CFAP61: variants seen among roughly 807,000 people sequenced by gnomAD.
CFAP61 encodes cilia and flagella associated protein 61.
A neutral mutation model predicts 135.6 loss-of-function variants in CFAP61; 107 were observed. The ratio of observed to expected loss-of-function variants is 0.79; its 90% CI spans 0.67 to 0.93. CFAP61 has a LOEUF of 0.93. Among genes scored for constraint, CFAP61 ranks in the 40% least tolerant of loss-of-function variants. The pLI is 0.00. For synonymous variants in CFAP61, 575 were observed against 578.5 expected, an observed-to-expected ratio of 0.99 and a Z score of 0.09; for missense variants, 1,507 against 1,556.2, an observed-to-expected ratio of 0.97 and a Z score of 0.53.
chr20:20,122,881 G>T (rs2049772807), intron 8 of CFAP61, among the ~76,000 whole-genome samples: 1 of 151,660 alleles, frequency 6.6e-6, no homozygotes, highest in Admixed American at 6.6e-5. Flanking sequence ...ATTCCCACCA[G>T]CAGTGTAGAA....
At chr20:20,153,056 A>G (rs1449053708) in intron 9 of CFAP61, among the ~76,000 whole-genome samples, 2 of 152,218 alleles carry the variant, frequency 1.3e-5, no homozygotes, top group Non-Finnish European at 2.9e-5. Flanking sequence ...ATTGGAAATT[A>G]ACTCCAAAAG....
chr20:20,254,394 G>A (rs1392653861), intron 20 of CFAP61, among the ~76,000 whole-genome samples: 1 of 151,680 alleles, frequency 6.6e-6, no homozygotes, highest in African/African-American at 2.4e-5. Flanking sequence ...CTGCTGCCAC[G>A]ACTGCGTACT....
At chr20:20,134,758 T>C (rs998979044) in intron 8 of CFAP61, among the ~76,000 whole-genome samples, 2 of 151,940 alleles carry the variant, frequency 1.3e-5, no homozygotes, top group Admixed American at 1.3e-4. Flanking sequence ...TTTTGTGAGG[T>C]GAGATTAATA....
At chr20:20,073,115 G>A (rs1175452764) in intron 3 of CFAP61, among the ~76,000 whole-genome samples, 1 of 152,172 alleles carries the variant, frequency 6.6e-6, no homozygotes, top group African/African-American at 2.4e-5. Flanking sequence ...TATTTATGAT[G>A]GAAGAGAGAA....
At chr20:20,246,634 A>C (rs2050479108) in intron 19 of CFAP61, among the ~76,000 whole-genome samples, 1 of 152,264 alleles carries the variant, frequency 6.6e-6, no homozygotes, top group African/African-American at 2.4e-5. Context: ...CTTCCATGCC[A>C]GTCTGGGTGA....
rs1209691358 is a variant in CFAP61, at chr20:20,360,374, C to G, written c.3678C>G (p.Tyr1226Ter). 2.5e-6 allele frequency: 4 copies of G among 1,613,800 alleles called. No individual in the cohort carries two copies. Among genetic ancestry groups the G allele is most frequent in the Non-Finnish European group, 3.4e-6 (4 of 1,180,036 alleles). The change falls in exon 27 of 27, where the codon TAC becomes TAG. Residue 1226 changes from tyrosine to a stop codon, truncating the protein, a stop_gained. Coordinates refer to ENST00000245957, the MANE Select transcript of CFAP61 (RefSeq NM_015585.4). LOFTEE classifies it high-confidence loss of function. ...STLDYLHYNRYHLPMYAWPGI... is the reference protein window; with the variant it reads ...STLDYLHYNR ...TTGACTACCTGCACTATAACCGCTA[C>G]CACCTGCCCATGTACGCGTGGCCAG...
chr20:20,302,205 G>T (rs2056150689), intron 25 of CFAP61, among the ~76,000 whole-genome samples: 1 of 152,044 alleles, frequency 6.6e-6, no homozygotes, highest in Non-Finnish European at 1.5e-5. Context: ...ATTTTAGTAT[G>T]GTTCTGTATT....
At chr20:20,098,294 C>T (rs941815490) in intron 7 of CFAP61, among the ~76,000 whole-genome samples, 1 of 152,114 alleles carries the variant, frequency 6.6e-6, no homozygotes, top group Admixed American at 6.6e-5. Context: ...TGATGAGAAT[C>T]ATTTGACCTC....
chr20:20,320,490 A>G (rs1276401144), intron 25 of CFAP61, among the ~76,000 whole-genome samples: 2 of 101,674 alleles, frequency 2.0e-5, no homozygotes, highest in Non-Finnish European at 3.7e-5. Flanking sequence ...TATATAATAT[A>G]TGTAATATAT....
At chr20:20,242,241 A>G (rs1303581186) in intron 18 of CFAP61, among the ~76,000 whole-genome samples, 1 of 152,130 alleles carries the variant, frequency 6.6e-6, no homozygotes, top group Non-Finnish European at 1.5e-5. Context: ...CTTTTTTGGC[A>G]TTTGGTTGAT....
Position 20,263,131 on chromosome 20 carries a change from G to GT in CFAP61, c.2503+2dup, listed in dbSNP as rs1419068235. The stretch of plus-strand genomic sequence containing the variant: ...AGGAATAACTCCATCACCACAGAAG[G>GT]TAAGGATGTCGGTAACTGTGCATCT... On this transcript the variant is annotated splice_donor_variant, in intron 21 of 26. Transcript: ENST00000245957. LOFTEE classifies it high-confidence loss of function. 2 of 1,608,380 alleles carry GT rather than the reference G, an allele frequency of 1.2e-6. No homozygotes were observed. The highest frequency in any genetic ancestry group is 1.7e-6 in the Non-Finnish European group (2 of 1,176,472).
chr20:20,119,831 C>T (rs2049473586), intron 8 of CFAP61, among the ~76,000 whole-genome samples: 1 of 152,076 alleles, frequency 6.6e-6, no homozygotes, highest in Admixed American at 6.6e-5. Context: ...TCTGTTGTTC[C>T]CCTGTATGTG....
intron 25 of CFAP61, among the ~76,000 whole-genome samples, chr20:20,314,669 A>G (rs2057016505): frequency 1.5e-5 from 2 of 136,760 alleles, no homozygotes; most frequent in Non-Finnish European, 3.1e-5. Context: ...TATATCTCCC[A>G]ATGCTATCCC....
chr20:20,356,137 A>T (rs1283782649), intron 26 of CFAP61, among the ~76,000 whole-genome samples: 2 of 82,822 alleles, frequency 2.4e-5, no homozygotes. Flanking sequence ...AGTCACACTG[A>T]GAGGAGGTGG....
At chr20:20,164,889 G>A (rs549133937) in intron 11 of CFAP61, among the ~76,000 whole-genome samples, 6 of 152,258 alleles carry the variant, frequency 3.9e-5, no homozygotes, top group East Asian at 1.9e-4. Context: ...CTTACATGGC[G>A]GCAGGCAAAG....
chr20:20,282,312 T>C (rs1392981832), intron 22 of CFAP61, among the ~76,000 whole-genome samples: 3 of 152,156 alleles, frequency 2.0e-5, no homozygotes, highest in Non-Finnish European at 4.4e-5. Context: ...CCTCTATTGA[T>C]TTCTGCTCTT....
intron 20 of CFAP61, among the ~76,000 whole-genome samples, chr20:20,262,499 C>T (rs990720756): frequency 6.6e-6 from 1 of 152,272 alleles, no homozygotes; most frequent in East Asian, 1.9e-4. Context: ...CATTTGAATA[C>T]CCAGCATATT....
chr20:20,277,120 T>C, intron 21 of CFAP61, 46 bp from the exon 22 acceptor site: 1 of 1,449,388 alleles, frequency 6.9e-7, no homozygotes, highest in African/African-American at 1.4e-5. Flanking sequence ...CTAAGGTTTT[T>C]TGGTTTTCTG....
intron 17 of CFAP61, among the ~76,000 whole-genome samples, chr20:20,206,036 C>G (rs4142429): frequency 0.25 from 37,991 of 151,704 alleles, 5,278 homozygotes; most frequent in East Asian, 0.56. Flanking sequence ...ATGTGAATTA[C>G]TGGCATGATC....
Sources: allele counts gnomAD v4.1 joint callset (sites outside exome capture counted in the v4.1 genomes callset), GRCh38; gene constraint gnomAD v4.1.1; transcripts MANE v1.5; gene names NCBI Gene and HGNC (gene_info 2026-07-23, HGNC 2026-07-21).